Variants in TCF12 observed in about 807,000 individuals in gnomAD.
TCF12 encodes DNA-binding protein HTF4.
Under a neutral mutation model 86.0 loss-of-function variants are expected in TCF12, and 45 were observed. The ratio of observed to expected loss-of-function variants is 0.52; its 90% confidence interval spans 0.41 to 0.67. TCF12 has a LOEUF of 0.67. TCF12 is among the 30% of genes least tolerant of loss of function. TCF12 has a pLI of 0.00. For missense variants in TCF12, 881 were observed against 859.9 expected (o/e 1.02, Z -0.31); for synonymous variants, 330 against 299.6 (o/e 1.10, Z -1.05).
At chr15:57,234,216 A>G (rs1332886176) in intron 12 of TCF12, 109 bp downstream of exon 12, 8 of 831,138 alleles carry the variant, frequency 9.6e-6, no homozygotes, top group East Asian at 2.7e-5. Flanking sequence ...AACAAGATCA[A>G]TTTCATTACA....
chr15:57,251,987 G>A (rs189229993), intron 14 of TCF12, among the ~76,000 whole-genome samples: 194 of 152,284 alleles, frequency 1.3e-3, no homozygotes, highest in African/African-American at 4.4e-3. Flanking sequence ...ATATTTGAGC[G>A]TGAAGAATTT....
At chr15:56,935,861 T>C (rs775271504) in intron 3 of TCF12, among the ~76,000 whole-genome samples, 4 of 152,196 alleles carry the variant, frequency 2.6e-5, no homozygotes, top group Admixed American at 2.6e-4. Flanking sequence ...ACAGATTCTA[T>C]CATGTATATA....
At chr15:57,089,981 A>G (rs998690678) in intron 4 of TCF12, among the ~76,000 whole-genome samples, 9 of 152,138 alleles carry the variant, frequency 5.9e-5, no homozygotes, top group Admixed American at 3.3e-4. Context: ...TTGGGAGGCC[A>G]AGGCTGGAGG....
At chr15:57,242,385 C>G (rs1952258075) in intron 12 of TCF12, among the ~76,000 whole-genome samples, 1 of 152,054 alleles carries the variant, frequency 6.6e-6, no homozygotes, top group Admixed American at 6.5e-5. Flanking sequence ...ATTAAGGGGA[C>G]TTTTAAAGTG....
At chr15:57,197,899 G>C in intron 8 of TCF12, 74 bp downstream of exon 8, 2 of 1,482,726 alleles carry the variant, frequency 1.3e-6, no homozygotes, top group Non-Finnish European at 1.9e-6. Flanking sequence ...TTGCTACAAG[G>C]GTACATTCGA....
intron 3 of TCF12, among the ~76,000 whole-genome samples, chr15:56,944,643 A>C (rs1364830097): frequency 1.3e-5 from 2 of 152,192 alleles, no homozygotes; most frequent in Non-Finnish European, 2.9e-5. Flanking sequence ...CTGGCATTGT[A>C]ATTTTTAGTG....
At chr15:57,284,461 C>T (rs1169310436) in intron 20 of TCF12, among the ~76,000 whole-genome samples, 1 of 152,172 alleles carries the variant, frequency 6.6e-6, no homozygotes, top group Non-Finnish European at 1.5e-5. Flanking sequence ...CCGACCACCT[C>T]GGCTTCCCCA....
intron 15 of TCF12, among the ~76,000 whole-genome samples, chr15:57,252,825 C>T (rs1298110201): frequency 6.6e-6 from 1 of 151,118 alleles, no homozygotes; most frequent in Non-Finnish European, 1.5e-5. Context: ...GTTACATGTG[C>T]TTTATATACT....
chr15:56,984,347 C>A (rs1046961185), intron 3 of TCF12, among the ~76,000 whole-genome samples: 6 of 143,928 alleles, frequency 4.2e-5, no homozygotes, highest in Non-Finnish European at 7.5e-5. Context: ...GAGTGGTTAA[C>A]CGGGCCTGTT....
intron 3 of TCF12, among the ~76,000 whole-genome samples, chr15:57,059,952 A>G (rs1596335741): frequency 6.6e-6 from 1 of 152,148 alleles, no homozygotes; most frequent in South Asian, 2.1e-4. Context: ...GAAAGAAAAT[A>G]CTGTTATTCA....
intron 6 of TCF12, among the ~76,000 whole-genome samples, chr15:57,188,604 A>C (rs140282599): frequency 8.9e-4 from 135 of 152,306 alleles, no homozygotes; most frequent in African/African-American, 3.0e-3. Context: ...ATATAGACCA[A>C]TGGGATAGAA....
At chr15:57,026,981 T>A (rs2065862474) in intron 3 of TCF12, among the ~76,000 whole-genome samples, 1 of 152,212 alleles carries the variant, frequency 6.6e-6, no homozygotes. Flanking sequence ...TATTATTTTT[T>A]ATTTTATTTG....
intron 3 of TCF12, among the ~76,000 whole-genome samples, chr15:56,968,113 C>T (rs1595894008): frequency 2.6e-5 from 4 of 151,880 alleles, no homozygotes; most frequent in South Asian, 4.2e-4. Context: ...TGTGCCACAA[C>T]GCCTGGCTAA....
At chr15:57,066,254 G>T (rs1410291022) in intron 4 of TCF12, among the ~76,000 whole-genome samples, 1 of 151,666 alleles carries the variant, frequency 6.6e-6, no homozygotes, top group Non-Finnish European at 1.5e-5. Flanking sequence ...AGCATAAATG[G>T]GTATAATTGT....
intron 20 of TCF12, among the ~76,000 whole-genome samples, chr15:57,283,222 TC>T (rs2061776579): frequency 6.6e-6 from 1 of 152,134 alleles, no homozygotes; most frequent in South Asian, 2.1e-4. Flanking sequence ...CTTTATATCT[TC>T]CTTTTCATGG....
At chr15:57,024,554 A>C (rs572088587) in intron 3 of TCF12, among the ~76,000 whole-genome samples, 5 of 152,316 alleles carry the variant, frequency 3.3e-5, no homozygotes, top group African/African-American at 1.2e-4. Flanking sequence ...CCAAATGAAA[A>C]ATAAGATACA....
At chr15:57,188,372 CTTAATA>C (rs2056795719) in intron 6 of TCF12, among the ~76,000 whole-genome samples, 1 of 152,238 alleles carries the variant, frequency 6.6e-6, no homozygotes, top group East Asian at 1.9e-4. Flanking sequence ...CATTTGAACA[CTTAATA>C]TTAAGATGTC....
At chr15:57,085,937 G>A (rs553860853) in intron 4 of TCF12, among the ~76,000 whole-genome samples, 3 of 152,094 alleles carry the variant, frequency 2.0e-5, no homozygotes, top group Non-Finnish European at 2.9e-5. Context: ...TGTTCAATCC[G>A]GTTAGATAAG....
At chr15:57,141,514 T>A (rs2052963730) in intron 5 of TCF12, among the ~76,000 whole-genome samples, 1 of 152,000 alleles carries the variant, frequency 6.6e-6, no homozygotes, top group African/African-American at 2.4e-5. Flanking sequence ...CACGCCCAAC[T>A]AATTTTGTAT....
Sources: allele counts gnomAD v4.1 joint callset (sites outside exome capture counted in the v4.1 genomes callset), GRCh38; gene constraint gnomAD v4.1.1; transcripts MANE v1.5; gene names NCBI Gene and HGNC (gene_info 2026-07-23, HGNC 2026-07-21).